SGCZ: variants seen among roughly 807,000 people sequenced by gnomAD.
SGCZ encodes the protein sarcoglycan zeta, also known as zeta-sarcoglycan.
A neutral mutation model predicts 41.3 loss-of-function variants in SGCZ; 40 were observed. The observed-to-expected ratio is 0.97, with a 90% CI of 0.75 to 1.26. The LOEUF (loss-of-function observed/expected upper bound fraction) is 1.26, where lower values mean the gene tolerates loss of function less well. SGCZ is among the 50% of genes most tolerant of loss of function. SGCZ has a pLI of 0.00. For missense variants in SGCZ, 552 were observed against 369.8 expected (o/e 1.49, Z -4.04); for synonymous variants, 206 against 137.5 (o/e 1.50, Z -3.49).
chr8:14,419,562 C>T (rs375215650), intron 2 of SGCZ, among the ~76,000 whole-genome samples: 6 of 151,824 alleles, frequency 4.0e-5, no homozygotes, highest in South Asian at 2.1e-4. Flanking sequence ...AAACAATATT[C>T]GTAAACATTT....
chr8:14,408,950 AGAGT>A (rs1463238585), intron 2 of SGCZ, among the ~76,000 whole-genome samples: 4 of 126,310 alleles, frequency 3.2e-5, no homozygotes, highest in Non-Finnish European at 5.9e-5. Flanking sequence ...TTAAATTAAG[AGAGT>A]GTGTGTGTGT....
At position 14,298,629 on chromosome 8, in the gene SGCZ, A is replaced by G. The variant is rs75634532; in HGVS notation, c.336+25474T>C. Among the ~76,000 whole-genome samples, 388 of 152,106 alleles carry G rather than the reference A, an allele frequency of 2.6e-3. 2 individuals carry two copies. The highest frequency in any genetic ancestry group is 9.2e-3 in the African/African-American group (381 of 41,566). On this transcript the variant is annotated intron_variant, in intron 3 of 7. Transcript: ENST00000382080. ...ATATACTCAGAACAAAATTTCAACA[A>G]ATATAAGCAGGATCTGTTCATTGAA...
chr8:14,771,068 T>C (rs908585650), intron 1 of SGCZ, among the ~76,000 whole-genome samples: 2 of 152,094 alleles, frequency 1.3e-5, no homozygotes, highest in African/African-American at 4.8e-5. Flanking sequence ...AAGAAAACTC[T>C]GAAAGTTAGA....
Position 14,858,893 on chromosome 8 carries a change from C to G in SGCZ, c.40-303967G>C, listed in dbSNP as rs60536267. On this transcript the variant is annotated intron_variant, in intron 1 of 7. Coordinates refer to ENST00000382080, the MANE Select transcript of SGCZ (RefSeq NM_139167.4). Reference sequence around the variant, plus strand: ...CTAATAGTGGTAGGTGCAAATTTACCAAAATTCTAATTTTTACATGAAAGC... The same window carrying G: ...CTAATAGTGGTAGGTGCAAATTTACGAAAATTCTAATTTTTACATGAAAGC... 6.6e-5 allele frequency among the ~76,000 whole-genome samples: 10 copies of G among 151,992 alleles called. No individual in the cohort carries two copies. The East Asian group carries it at 1.9e-3, about 29-fold the overall frequency.
chr8:14,490,351 T>C (rs948914365), intron 2 of SGCZ, among the ~76,000 whole-genome samples: 3 of 152,224 alleles, frequency 2.0e-5, no homozygotes, highest in African/African-American at 7.2e-5. Context: ...TTATGTCTTC[T>C]GTGCATTATA....
At chr8:14,973,364 C>A (rs918554738) in intron 1 of SGCZ, among the ~76,000 whole-genome samples, 2 of 152,102 alleles carry the variant, frequency 1.3e-5, no homozygotes, top group African/African-American at 2.4e-5. Flanking sequence ...CCCTTTGGTA[C>A]TTTTCCTTGC....
At chr8:14,932,726 T>TA (rs35828600) in intron 1 of SGCZ, among the ~76,000 whole-genome samples, 8 of 152,056 alleles carry the variant, frequency 5.3e-5, no homozygotes, top group African/African-American at 1.9e-4. Context: ...TGTAATTTTT[T>TA]AAAAAATTAA....
chr8:14,116,149 T>C (rs1256983241), intron 5 of SGCZ, among the ~76,000 whole-genome samples: 1 of 152,074 alleles, frequency 6.6e-6, no homozygotes, highest in African/African-American at 2.4e-5. Flanking sequence ...GCTTCAAATA[T>C]TGCATTGGTT....
chr8:14,474,518 CA>C (rs1265787118), intron 2 of SGCZ, among the ~76,000 whole-genome samples: 1 of 152,120 alleles, frequency 6.6e-6, no homozygotes, highest in Non-Finnish European at 1.5e-5. Flanking sequence ...AATTATTCCT[CA>C]ATGTTTAGTC....
At chr8:14,476,437 C>T (rs531119485) in intron 2 of SGCZ, among the ~76,000 whole-genome samples, 10 of 151,788 alleles carry the variant, frequency 6.6e-5, no homozygotes, top group Admixed American at 3.9e-4. Context: ...CTCTGGAGAA[C>T]CCTGAATAAT....
intron 1 of SGCZ, among the ~76,000 whole-genome samples, chr8:14,789,858 T>C (rs913576703): frequency 6.6e-6 from 1 of 152,130 alleles, no homozygotes; most frequent in East Asian, 1.9e-4. Context: ...TTTACTTCCA[T>C]GTATGTGTAT....
At chr8:14,646,600 G>GTA (rs1388435030) in intron 1 of SGCZ, among the ~76,000 whole-genome samples, 1 of 151,788 alleles carries the variant, frequency 6.6e-6, no homozygotes, top group Non-Finnish European at 1.5e-5. Context: ...GGATTGGATG[G>GTA]TAGTTGTGTT....
chr8:14,441,420 CA>C (rs1265660554), intron 2 of SGCZ, among the ~76,000 whole-genome samples: 2 of 152,002 alleles, frequency 1.3e-5, no homozygotes, highest in African/African-American at 4.8e-5. Context: ...ACTGAAAATA[CA>C]AAAATTAGTT....
At chr8:14,339,183 A>G (rs1183478383) in intron 2 of SGCZ, among the ~76,000 whole-genome samples, 1 of 152,168 alleles carries the variant, frequency 6.6e-6, no homozygotes, top group East Asian at 1.9e-4. Context: ...TTCTACAGTA[A>G]TTCAATTATC....
At chr8:14,900,516 T>C (rs1011071782) in intron 1 of SGCZ, among the ~76,000 whole-genome samples, 3 of 152,080 alleles carry the variant, frequency 2.0e-5, no homozygotes, top group Admixed American at 2.0e-4. Flanking sequence ...GGCTCCTAAA[T>C]AACAAACTCA....
At position 14,686,527 on chromosome 8, in the gene SGCZ, T is replaced by C. The variant is rs193108784; in HGVS notation, c.40-131601A>G. On this transcript the variant is annotated intron_variant, in intron 1 of 7. Coordinates refer to ENST00000382080, the MANE Select transcript of SGCZ (RefSeq NM_139167.4). ...TTGATAAATTGGTCACTAAGGCATA[T>C]AGATTTAAAAGCATATTATGGGAGG... 1.2e-3 allele frequency among the ~76,000 whole-genome samples: 183 copies of C among 152,168 alleles called. 2 individuals are homozygous for C. In the South Asian group the frequency reaches 0.029, roughly 24 times the overall value.
chr8:14,262,747 G>C (rs1002494518), intron 3 of SGCZ, among the ~76,000 whole-genome samples: 7 of 149,524 alleles, frequency 4.7e-5, no homozygotes, highest in Non-Finnish European at 1.0e-4. Context: ...CGTGATATAT[G>C]AGCATAAAAC....
intron 2 of SGCZ, among the ~76,000 whole-genome samples, chr8:14,353,724 T>A (rs939467722): frequency 6.6e-6 from 1 of 152,100 alleles, no homozygotes; most frequent in Non-Finnish European, 1.5e-5. Flanking sequence ...TCTCTTCTTC[T>A]GAAATTTATC....
chr8:15,206,014 T>C (rs973750831), intron 1 of SGCZ, among the ~76,000 whole-genome samples: 8 of 152,094 alleles, frequency 5.3e-5, no homozygotes, highest in African/African-American at 1.9e-4. Flanking sequence ...ATGTTCTTAC[T>C]GGGGTCTACT....
Sources: allele counts gnomAD v4.1 joint callset (sites outside exome capture counted in the v4.1 genomes callset), GRCh38; gene constraint gnomAD v4.1.1; transcripts MANE v1.5; gene names NCBI Gene and HGNC (gene_info 2026-07-23, HGNC 2026-07-21).